Variants in WIPI1 observed in about 807,000 individuals in gnomAD.
WIPI1 encodes the protein WD repeat domain, phosphoinositide interacting 1.
A neutral mutation model predicts 55.3 loss-of-function variants in WIPI1; 45 were observed. The ratio of observed to expected loss-of-function variants is 0.81; its 90% CI spans 0.64 to 1.04. The LOEUF (loss-of-function observed/expected upper bound fraction) is 1.04. Ranked by LOEUF, WIPI1 falls within the 50% of genes least tolerant of loss-of-function variation. The probability of loss-of-function intolerance (pLI) is 0.00; values close to 1 mark genes in which losing one functional copy is unlikely to be tolerated. For synonymous variants in WIPI1, 195 were observed against 217.6 expected, an observed-to-expected ratio of 0.90 and a Z score of 0.92; for missense variants, 445 against 559.0, an observed-to-expected ratio of 0.80 and a Z score of 2.06.
At chr17:68,449,085 TA>T (rs1009484555) in intron 3 of WIPI1, among the ~76,000 whole-genome samples, 1 of 152,104 alleles carries the variant, frequency 6.6e-6, no homozygotes. Flanking sequence ...TCTCATTTGT[TA>T]AAAAAAATTA....
intron 6 of WIPI1, among the ~76,000 whole-genome samples, 191 bp from the exon 7 acceptor site, chr17:68,434,817 T>C (rs1460860007): frequency 6.6e-6 from 1 of 152,234 alleles, no homozygotes; most frequent in Non-Finnish European, 1.5e-5. Context: ...AAACACCCTC[T>C]GTCTACCTTT....
intron 4 of WIPI1, among the ~76,000 whole-genome samples, chr17:68,441,637 G>A (rs1014639125): frequency 2.0e-5 from 3 of 152,206 alleles, no homozygotes; most frequent in African/African-American, 7.2e-5. Flanking sequence ...GTGCAAGGCT[G>A]TCCTATGGGA....
intron 12 of WIPI1, 108 bp from the exon 13 acceptor site, chr17:68,421,928 G>A: frequency 2.1e-6 from 3 of 1,445,074 alleles, no homozygotes; most frequent in Non-Finnish European, 2.9e-6. Flanking sequence ...GAGAGGCTGG[G>A]CACTGTGGAA....
At position 68,451,167 on chromosome 17, in the gene WIPI1, C is replaced by T. The variant is rs1034426296; in HGVS notation, c.164-270G>A. Reference sequence around the variant, plus strand: ...ACTAGTGGCCTGGCATGGCGGCTCACGCCTAGTAATCCCAGCACTTTGGGA... The same window carrying T: ...ACTAGTGGCCTGGCATGGCGGCTCATGCCTAGTAATCCCAGCACTTTGGGA... On this transcript the variant is annotated intron_variant, in intron 2 of 12. Transcript: ENST00000262139. Among the ~76,000 whole-genome samples the T allele has an allele frequency of 5.3e-5, 8 of 152,348 alleles. No homozygotes were observed. In the East Asian group the frequency reaches 7.7e-4, roughly 15 times the overall value.
rs764610966 is a variant in WIPI1 at position 68,450,896 on chromosome 17, A to G, written c.165T>C (p.Asn55=). ...VEQLDQVHGS[N]EIPDVYIVER... ...CCACGATGTAGACGTCCGGGATTTC[A>G]TCTGGGAGGAAAAGCAGCCGGGAGG... Residue 55 remains asparagine, a splice_region_variant and synonymous_variant, in exon 3 of 13, where the codon AAT becomes AAC. Coordinates refer to ENST00000262139, the MANE Select transcript of WIPI1 (RefSeq NM_017983.7). 6 of 1,611,004 alleles carry G rather than the reference A, an allele frequency of 3.7e-6. No individual in the cohort carries two copies. The African/African-American group carries it at 8.0e-5, about 22-fold the overall frequency.
intron 6 of WIPI1, among the ~76,000 whole-genome samples, 161 bp downstream of exon 6, chr17:68,435,459 C>T (rs2083738141): frequency 6.6e-6 from 1 of 152,148 alleles, no homozygotes; most frequent in South Asian, 2.1e-4. Flanking sequence ...ATGAATATAC[C>T]ACACATGCAG....
In WIPI1 at chr17:68,436,478, A is replaced by C; in HGVS notation, c.432T>G (p.Gly144=). Residue 144 remains glycine, a splice_region_variant and synonymous_variant, in exon 5 of 13, where the codon GGT becomes GGG. Coordinates refer to ENST00000262139, the MANE Select transcript of WIPI1 (RefSeq NM_017983.7). ...TLLDIPANPT[G]LCALSINHSN... Reference sequence around the variant, plus strand: ...AATGGTTGATAGAGAGAGCACATAGACCTGGCAAAGAAGAAACAGAACATG... The same window carrying C: ...AATGGTTGATAGAGAGAGCACATAGCCCTGGCAAAGAAGAAACAGAACATG... The C allele has an allele frequency of 6.2e-7, 1 of 1,613,740 alleles. No individual in the cohort carries two copies. Among genetic ancestry groups the C allele is most frequent in the South Asian group, 1.1e-5 (1 of 91,060 alleles).
At chr17:68,447,613 ACTCCTGGG>A (rs1300995622) in intron 3 of WIPI1, among the ~76,000 whole-genome samples, 1 of 151,882 alleles carries the variant, frequency 6.6e-6, no homozygotes, top group African/African-American at 2.4e-5. Flanking sequence ...CTGGACTCAA[ACTCCTGGG>A]CTCAAGCGAT....
intron 12 of WIPI1, among the ~76,000 whole-genome samples, chr17:68,424,157 A>C (rs1056379879): frequency 4.6e-5 from 7 of 152,248 alleles, no homozygotes; most frequent in African/African-American, 1.7e-4. Context: ...CAGCATGCCA[A>C]CAGAGGTTTT....
chr17:68,426,247 A>AGGGGGGGGGGGGGGGGGGG, intron 11 of WIPI1, 72 bp from the exon 12 acceptor site: 3 of 655,800 alleles, frequency 4.6e-6, no homozygotes, highest in Admixed American at 3.9e-5. Flanking sequence ...GCGGGTGGGG[A>AGGGGGGGGGGGGGGGGGGG]GCGGGGGCTC....
At chr17:68,428,080 T>C (rs952460318) in intron 10 of WIPI1, among the ~76,000 whole-genome samples, 5 of 152,056 alleles carry the variant, frequency 3.3e-5, no homozygotes, top group Admixed American at 2.0e-4. Context: ...TTTCTTTTTG[T>C]AAGGATGGGG....
At chr17:68,430,273 T>G in intron 8 of WIPI1, 113 bp from the exon 9 acceptor site, 1 of 1,084,706 alleles carries the variant, frequency 9.2e-7, no homozygotes, top group Admixed American at 2.6e-5. Context: ...GGAGAGACTG[T>G]GCCTTAGCAT....
intron 1 of WIPI1, among the ~76,000 whole-genome samples, chr17:68,455,547 T>G (rs566813873): frequency 6.6e-6 from 1 of 152,176 alleles, no homozygotes; most frequent in African/African-American, 2.4e-5. Flanking sequence ...AGTAAGGGGC[T>G]TGACTTATTT....
intron 12 of WIPI1, 83 bp downstream of exon 12, chr17:68,425,992 G>A (rs1359948486): frequency 2.9e-6 from 3 of 1,047,384 alleles, no homozygotes; most frequent in Non-Finnish European, 2.9e-6. Context: ...AACAGGGAAA[G>A]GGACTCTGCC....
chr17:68,433,610 G>C (rs781211649), intron 7 of WIPI1, 35 bp from the exon 8 acceptor site: 18 of 1,552,334 alleles, frequency 1.2e-5, no homozygotes, highest in Admixed American at 1.7e-5. Context: ...CAGTGAGCAA[G>C]AGAAATGGGA....
At chr17:68,435,036 G>C (rs781556369) in intron 6 of WIPI1, among the ~76,000 whole-genome samples, 2 of 151,944 alleles carry the variant, frequency 1.3e-5, no homozygotes, top group African/African-American at 2.4e-5. Flanking sequence ...GTGAAACCCC[G>C]TCTCCACTAA....
intron 8 of WIPI1, among the ~76,000 whole-genome samples, chr17:68,432,853 C>T (rs2083591185): frequency 6.6e-6 from 1 of 152,226 alleles, no homozygotes; most frequent in African/African-American, 2.4e-5. Flanking sequence ...TTTCTCACTC[C>T]TCCATCTTTC....
intron 7 of WIPI1, among the ~76,000 whole-genome samples, chr17:68,433,917 G>A (rs1047467873): frequency 6.6e-6 from 1 of 151,502 alleles, no homozygotes; most frequent in African/African-American, 2.4e-5. Flanking sequence ...CAAGTAGCTG[G>A]GATTACAGGC....
chr17:68,437,010 A>ATGTGTGTGTGTGTGTGTGTG (rs758693659), intron 4 of WIPI1, among the ~76,000 whole-genome samples: 5 of 77,958 alleles, frequency 6.4e-5, no homozygotes, highest in African/African-American at 2.4e-4. Flanking sequence ...AAAAAAATAT[A>ATGTGTGTGTGTGTGTGTGTG]TATATATGTG....
Sources: allele counts gnomAD v4.1 joint callset (sites outside exome capture counted in the v4.1 genomes callset), GRCh38; gene constraint gnomAD v4.1.1; transcripts MANE v1.5; gene names NCBI Gene and HGNC (gene_info 2026-07-23, HGNC 2026-07-21).